Variants in KCNQ5 observed in about 807,000 individuals in gnomAD.
The protein encoded by KCNQ5 is potassium voltage-gated channel subfamily KQT member 5.
In KCNQ5, 30 loss-of-function variants were observed where a neutral mutation model predicts 98.2. The observed-to-expected ratio is 0.31, with a 90% CI of 0.23 to 0.41. The LOEUF (loss-of-function observed/expected upper bound fraction) is 0.41. KCNQ5 is among the 10% of genes least tolerant of loss of function. KCNQ5 has a pLI of 1.00. For missense variants in KCNQ5, 835 were observed against 1,182.5 expected (o/e 0.71, Z 4.31); for synonymous variants, 458 against 449.4 (o/e 1.02, Z -0.24).
chr6:73,143,087 A>G (rs1256808075), intron 10 of KCNQ5, among the ~76,000 whole-genome samples: 1 of 152,192 alleles, frequency 6.6e-6, no homozygotes, highest in African/African-American at 2.4e-5. Flanking sequence ...GCAGAAGCAG[A>G]ACTAAAAGGT....
chr6:73,157,409 C>T (rs1319829004), intron 10 of KCNQ5: 4 of 600,356 alleles, frequency 6.7e-6, no homozygotes, highest in Non-Finnish European at 1.2e-5. Context: ...GGGGCAGCGG[C>T]AGCTCTGCAC....
At chr6:72,926,173 A>T (rs1765409882) in intron 1 of KCNQ5, among the ~76,000 whole-genome samples, 1 of 152,044 alleles carries the variant, frequency 6.6e-6, no homozygotes, top group African/African-American at 2.4e-5. Context: ...GTCCACCCTC[A>T]TTCATCCCAG....
intron 1 of KCNQ5, among the ~76,000 whole-genome samples, chr6:72,874,429 CATAA>C (rs1778327394): frequency 6.6e-6 from 1 of 152,062 alleles, no homozygotes; most frequent in South Asian, 2.1e-4. Context: ...GGTCTATCTA[CATAA>C]ATATTTATTG....
At chr6:72,725,518 G>T (rs1458472345) in intron 1 of KCNQ5, among the ~76,000 whole-genome samples, 1 of 152,114 alleles carries the variant, frequency 6.6e-6, no homozygotes, top group Non-Finnish European at 1.5e-5. Context: ...GAGGCTGAGG[G>T]AGGGAGATGG....
rs1000167442 is a variant in KCNQ5, at chr6:72,622,247, A to G, written c.58A>G (p.Ser20Gly). 6 of 1,255,488 alleles carry G rather than the reference A, an allele frequency of 4.8e-6. No individual in the cohort carries two copies. Among genetic ancestry groups the G allele is most frequent in the Non-Finnish European group, 6.0e-6 (6 of 1,003,852 alleles). 77.8% of individuals were successfully genotyped at this position (1,255,488 alleles called of 1,614,324 possible). A position where few individuals can be genotyped will look rare whatever the true frequency, so the allele number is the denominator to read the frequency against. ...EGGAAGLWVK[S>G]GAAAAAAGGG... Reference sequence around the variant, plus strand: ...CGGCGCCGCCGGGCTCTGGGTGAAGAGCGGCGCAGCGGCGGCGGCGGCGGG... The same window carrying G: ...CGGCGCCGCCGGGCTCTGGGTGAAGGGCGGCGCAGCGGCGGCGGCGGCGGG... Residue 20 changes from serine to glycine, a missense_variant, in exon 1 of 14, where the codon AGC becomes GGC. Transcript: ENST00000370398. The surrounding 1 kb of genome is among the most constrained non-coding windows in gnomAD (Gnocchi z 6.0).
At chr6:72,624,860 A>G (rs1168756502) in intron 1 of KCNQ5, among the ~76,000 whole-genome samples, 2 of 152,234 alleles carry the variant, frequency 1.3e-5, no homozygotes, top group South Asian at 4.1e-4. Context: ...CATCTTTGGC[A>G]GTTGCTGCTT....
chr6:72,932,217 G>T (rs116587527), intron 1 of KCNQ5, among the ~76,000 whole-genome samples: 1,705 of 152,050 alleles, frequency 0.011, 33 homozygotes, highest in African/African-American at 0.038. Context: ...AATCTGTCGG[G>T]TGAGTGAGAG....
intron 1 of KCNQ5, among the ~76,000 whole-genome samples, chr6:72,734,180 A>G (rs1422446323): frequency 6.6e-6 from 1 of 152,256 alleles, no homozygotes; most frequent in Admixed American, 6.5e-5. Flanking sequence ...TTGATTGCAG[A>G]GGAGCTTTGT....
chr6:72,693,761 C>T (rs1026398277), intron 1 of KCNQ5, among the ~76,000 whole-genome samples: 1 of 152,102 alleles, frequency 6.6e-6, no homozygotes, highest in African/African-American at 2.4e-5. Flanking sequence ...AACTAGCACC[C>T]CACTGATTTA....
Position 72,672,236 on chromosome 6 carries a change from C to T in KCNQ5, c.398+49649C>T, listed in dbSNP as rs531328200. On this transcript the variant is annotated intron_variant, in intron 1 of 13. Transcript: ENST00000370398. Reference sequence around the variant, plus strand: ...GTTCAAGGTATCCTCATGCCTCAGCCTCCCAAGTCCAGGACCACGCCTGGC... The same window carrying T: ...GTTCAAGGTATCCTCATGCCTCAGCTTCCCAAGTCCAGGACCACGCCTGGC... Among the ~76,000 whole-genome samples, 3 of 151,492 alleles carry T rather than the reference C, an allele frequency of 2.0e-5. No individual in the cohort carries two copies. The South Asian group carries it at 6.3e-4, about 32-fold the overall frequency.
chr6:73,061,830 T>C (rs1227904761), intron 3 of KCNQ5, among the ~76,000 whole-genome samples: 1 of 152,156 alleles, frequency 6.6e-6, no homozygotes, highest in African/African-American at 2.4e-5. Context: ...TAACTCTTAG[T>C]GGTAGCAAAC....
At chr6:72,980,095 C>G (rs867083573) in intron 1 of KCNQ5, among the ~76,000 whole-genome samples, 4 of 152,134 alleles carry the variant, frequency 2.6e-5, no homozygotes, top group African/African-American at 9.6e-5. Flanking sequence ...AGTATAGTTT[C>G]AAGCCAGGTA....
chr6:72,829,856 G>A (rs537674669), intron 1 of KCNQ5, among the ~76,000 whole-genome samples: 5 of 152,274 alleles, frequency 3.3e-5, no homozygotes, highest in Admixed American at 6.5e-5. Flanking sequence ...AAGACTTGTA[G>A]CAAACAAGTT....
chr6:72,792,377 C>A (rs1774100074), intron 1 of KCNQ5, among the ~76,000 whole-genome samples: 1 of 152,016 alleles, frequency 6.6e-6, no homozygotes, highest in Admixed American at 6.6e-5. Flanking sequence ...CACAATAAAG[C>A]CAATAATAGA....
intron 1 of KCNQ5, among the ~76,000 whole-genome samples, chr6:72,639,021 T>A (rs2098925751): frequency 6.6e-6 from 1 of 152,176 alleles, no homozygotes. Flanking sequence ...AGTTACTCAA[T>A]TCTGTTTTAG....
intron 1 of KCNQ5, among the ~76,000 whole-genome samples, chr6:72,919,881 G>A (rs1258322643): frequency 6.6e-6 from 1 of 152,084 alleles, no homozygotes; most frequent in African/African-American, 2.4e-5. Flanking sequence ...TCCACTTAGA[G>A]TTTGTCTGTT....
At chr6:73,060,921 G>C (rs554812902) in intron 3 of KCNQ5, among the ~76,000 whole-genome samples, 1 of 152,140 alleles carries the variant, frequency 6.6e-6, no homozygotes, top group Non-Finnish European at 1.5e-5. Context: ...GTGCAAAGGG[G>C]TATCACCCTT....
intron 1 of KCNQ5, among the ~76,000 whole-genome samples, chr6:72,863,063 A>G (rs1777834376): frequency 6.6e-6 from 1 of 152,234 alleles, no homozygotes; most frequent in Non-Finnish European, 1.5e-5. Context: ...GAAGCAGCTT[A>G]TGGCAGACTA....
At chr6:72,807,906 C>A (rs1775031682) in intron 1 of KCNQ5, among the ~76,000 whole-genome samples, 1 of 152,102 alleles carries the variant, frequency 6.6e-6, no homozygotes, top group South Asian at 2.1e-4. Context: ...CCCTACAGAG[C>A]AAAAGTACAT....
Sources: gnomAD v4.1 joint callset for allele counts (sites outside exome capture counted in the v4.1 genomes callset) on GRCh38, gnomAD v4.1.1 for gene constraint, Gnocchi (gnomAD v3.1) non-coding constraint, MANE v1.5 for transcripts, NCBI Gene and HGNC (gene_info 2026-07-23, HGNC 2026-07-21) for gene names.